The following ADGRD1 variants were observed in gnomAD, a reference collection of about 807,000 sequenced individuals.
The protein encoded by ADGRD1 is G-protein coupled receptor 133.
ADGRD1 carries 77 observed loss-of-function variants against 113.4 expected under a neutral mutation model. That is an observed-to-expected ratio of 0.68 (90% CI 0.57 to 0.82). The LOEUF (loss-of-function observed/expected upper bound fraction) is 0.82. Among genes scored for constraint, ADGRD1 ranks in the 40% least tolerant of loss-of-function variants. The pLI is 0.00. For synonymous variants in ADGRD1, 474 were observed against 475.0 expected (o/e 1.00, Z 0.03); for missense variants, 1,036 against 1,139.1 (o/e 0.91, Z 1.30).
At chr12:131,135,962 G>GCGTCT in intron 21 of ADGRD1, 75 bp from the exon 22 acceptor site, 1 of 1,535,984 alleles carries the variant, frequency 6.5e-7, no homozygotes, top group Non-Finnish European at 8.9e-7. Context: ...TGGAAGCCTG[G>GCGTCT]CGTCTCGAGG....
intron 5 of ADGRD1, among the ~76,000 whole-genome samples, chr12:130,986,571 C>A (rs1029017829): frequency 2.0e-5 from 3 of 152,180 alleles, no homozygotes; most frequent in Non-Finnish European, 4.4e-5. Context: ...TCTACATAGA[C>A]AATCACATCA....
intron 8 of ADGRD1, among the ~76,000 whole-genome samples, chr12:130,998,539 A>G (rs1272328158): frequency 6.6e-6 from 1 of 151,970 alleles, no homozygotes; most frequent in African/African-American, 2.4e-5. Context: ...ATCTTGGCTC[A>G]CTGCAACCTC....
intron 12 of ADGRD1, among the ~76,000 whole-genome samples, chr12:131,008,504 TG>T (rs1394153146): frequency 6.6e-6 from 1 of 152,176 alleles, no homozygotes; most frequent in Admixed American, 6.5e-5. Context: ...GCACAAAGGG[TG>T]GGGCCTGGGC....
At chr12:131,065,935 G>A (rs1184526438) in intron 13 of ADGRD1, among the ~76,000 whole-genome samples, 1 of 152,140 alleles carries the variant, frequency 6.6e-6, no homozygotes, top group African/African-American at 2.4e-5. Flanking sequence ...TGGTCTTTGG[G>A]CCTCTCAGGA....
At chr12:131,121,049 C>G (rs1950581247) in intron 20 of ADGRD1, 136 bp downstream of exon 20, 2 of 731,658 alleles carry the variant, frequency 2.7e-6, no homozygotes, top group African/African-American at 1.8e-5. Flanking sequence ...TCACTCCTCG[C>G]TAGGGCTCCT....
chr12:131,039,949 G>A (rs1032828579), intron 13 of ADGRD1, among the ~76,000 whole-genome samples: 1 of 152,208 alleles, frequency 6.6e-6, no homozygotes, highest in African/African-American at 2.4e-5. Flanking sequence ...TGAGGCCGGC[G>A]CAGATAGGAT....
chr12:131,083,665 T>A (rs966378830), intron 14 of ADGRD1, among the ~76,000 whole-genome samples: 1 of 152,152 alleles, frequency 6.6e-6, no homozygotes, highest in African/African-American at 2.4e-5. Context: ...AAAATGATAT[T>A]CACCAATATT....
chr12:131,105,847 C>T lies in ADGRD1; in HGVS notation c.1869C>T (p.Phe623=), dbSNP rs1252080813. The T allele has an allele frequency of 6.3e-7, 1 of 1,598,990 alleles. No individual in the cohort carries two copies. Among genetic ancestry groups the T allele is most frequent in the South Asian group, 1.1e-5 (1 of 90,724 alleles). ...CCCAGGTCCTGCTGCTCATTAGTTT[C>T]CGCCTCGAGCCGGGCACGGTGAGTG... ...LVAQVLLLIS[F]RLEPGTTPCQ... is the part of the protein sequence containing the mutation. Residue 623 remains phenylalanine (F), a synonymous_variant, in exon 17 of 25, where the codon TTC becomes TTT. Transcript: ENST00000261654.
At chr12:131,066,492 A>T (rs1474705263) in intron 13 of ADGRD1, among the ~76,000 whole-genome samples, 1 of 152,170 alleles carries the variant, frequency 6.6e-6, no homozygotes, top group Non-Finnish European at 1.5e-5. Context: ...TCCCTACCGC[A>T]GGCCACCTTG....
chr12:131,033,843 T>G (rs1400681885), intron 13 of ADGRD1, among the ~76,000 whole-genome samples: 1 of 152,128 alleles, frequency 6.6e-6, no homozygotes, highest in Non-Finnish European at 1.5e-5. Context: ...GGGTGAAGGC[T>G]GGGGACACGT....
At chr12:131,119,576 C>A (rs1440908411) in intron 19 of ADGRD1, among the ~76,000 whole-genome samples, 1 of 152,222 alleles carries the variant, frequency 6.6e-6, no homozygotes, top group Admixed American at 6.5e-5. Context: ...AGCCAGGCAG[C>A]ACCAGCCAGG....
At chr12:130,999,897 C>T (rs143072943) in intron 8 of ADGRD1, among the ~76,000 whole-genome samples, 127 of 152,262 alleles carry the variant, frequency 8.3e-4, no homozygotes, top group Non-Finnish European at 1.5e-3. Context: ...AATAGTGAGC[C>T]GAACCAAACA....
chr12:131,048,263 G>A (rs1026041952), intron 13 of ADGRD1, among the ~76,000 whole-genome samples: 9 of 152,212 alleles, frequency 5.9e-5, no homozygotes, highest in African/African-American at 1.2e-4. Flanking sequence ...AGCAGCGGAC[G>A]GCACGGTGGG....
chr12:131,092,274 A>C (rs1460009488), intron 15 of ADGRD1, among the ~76,000 whole-genome samples: 3 of 152,146 alleles, frequency 2.0e-5, no homozygotes, highest in Non-Finnish European at 4.4e-5. Context: ...GAAGCCACAC[A>C]CCCAATGAAG....
intron 13 of ADGRD1, among the ~76,000 whole-genome samples, chr12:131,072,218 G>T (rs1293190285): frequency 6.6e-6 from 1 of 152,130 alleles, no homozygotes; most frequent in African/African-American, 2.4e-5. Context: ...AGGTTTCGCA[G>T]AGGAGACAGG....
At chr12:131,104,178 C>T (rs752902700) in intron 15 of ADGRD1, among the ~76,000 whole-genome samples, 7 of 152,198 alleles carry the variant, frequency 4.6e-5, no homozygotes, top group Non-Finnish European at 8.8e-5. Context: ...TTTCCTGAGG[C>T]CCACAGTGTG....
chr12:131,017,411 A>ACTCAGTCCACACC (rs142034491), intron 13 of ADGRD1, among the ~76,000 whole-genome samples: 16,221 of 128,532 alleles, frequency 0.13, 2,550 homozygotes, highest in African/African-American at 0.26. Flanking sequence ...CAGTCCACAC[A>ACTCAGTCCACACC]CAGTCCATAC....
chr12:131,000,680 G>A (rs942686225), intron 9 of ADGRD1, among the ~76,000 whole-genome samples: 14 of 149,658 alleles, frequency 9.4e-5, no homozygotes, highest in Non-Finnish European at 2.1e-4. Context: ...GGCGGAGGTT[G>A]CAGTGAGCCG....
At chr12:131,065,477 G>A (rs764779826) in intron 13 of ADGRD1, among the ~76,000 whole-genome samples, 6 of 152,200 alleles carry the variant, frequency 3.9e-5, no homozygotes, top group African/African-American at 7.2e-5. Flanking sequence ...AGACAGAACC[G>A]GAGTCACCCC....
Sources: allele counts gnomAD v4.1 joint callset (sites outside exome capture counted in the v4.1 genomes callset), GRCh38; gene constraint gnomAD v4.1.1; transcripts MANE v1.5; gene names NCBI Gene and HGNC (gene_info 2026-07-23, HGNC 2026-07-21).